BCKDHB: variants seen among roughly 807,000 people sequenced by gnomAD.
BCKDHB encodes the protein branched chain keto acid dehydrogenase E1 subunit beta, also known as 2-oxoisovalerate dehydrogenase subunit beta, mitochondrial.
In BCKDHB, 41 loss-of-function variants were observed where a neutral mutation model predicts 48.5. The observed-to-expected ratio is 0.85, with a 90% CI of 0.66 to 1.10. The LOEUF (loss-of-function observed/expected upper bound fraction) is 1.10. Ranked by LOEUF, BCKDHB falls within the 50% of genes least tolerant of loss-of-function variation. The probability of loss-of-function intolerance (pLI) is 0.00; values close to 1 mark genes in which losing one functional copy is unlikely to be tolerated. For synonymous variants in BCKDHB, 201 were observed against 174.8 expected (o/e 1.15, Z -1.18); for missense variants, 496 against 494.2 (o/e 1.00, Z -0.03).
At chr6:80,336,562 AT>A (rs58750626) in intron 9 of BCKDHB, among the ~76,000 whole-genome samples, 5 of 151,022 alleles carry the variant, frequency 3.3e-5, no homozygotes, top group African/African-American at 2.4e-5. Flanking sequence ...GAAGAGATGG[AT>A]TTTTTTTTAA....
intron 3 of BCKDHB, among the ~76,000 whole-genome samples, chr6:80,163,376 A>G (rs1772418114): frequency 6.6e-6 from 1 of 151,062 alleles, no homozygotes; most frequent in South Asian, 2.1e-4. Context: ...CACCAATGAT[A>G]AAATCCTCAG....
chr6:80,209,416 G>A (rs12209624), intron 8 of BCKDHB, among the ~76,000 whole-genome samples: 93,670 of 151,646 alleles, frequency 0.62, 29,193 homozygotes, highest in South Asian at 0.76. Context: ...CAAAACTGGA[G>A]GACTTAATTA....
chr6:80,330,985 C>T (rs769531960), intron 9 of BCKDHB, among the ~76,000 whole-genome samples: 2 of 152,128 alleles, frequency 1.3e-5, no homozygotes, highest in Non-Finnish European at 2.9e-5. Flanking sequence ...CTAGTAATTA[C>T]CAGCAAAGAT....
chr6:80,400,017 T>C, the BCKDHB span, among the ~76,000 whole-genome samples: 1 of 152,096 alleles, frequency 6.6e-6, no homozygotes, highest in African/African-American at 2.4e-5. Flanking sequence ...CTGGGATAAT[T>C]GGCTAGCCAC....
intron 9 of BCKDHB, among the ~76,000 whole-genome samples, chr6:80,338,388 C>A (rs1269772118): frequency 1.3e-5 from 2 of 152,126 alleles, no homozygotes; most frequent in African/African-American, 2.4e-5. Context: ...GGATTTCCAG[C>A]CCCCGACCCC....
rs1396934591 is a variant in BCKDHB, at chr6:80,107,549, A to ATATG, written c.196+663_196+664insGTAT. 2.3e-3 allele frequency among the ~76,000 whole-genome samples: 315 copies of ATATG among 134,226 alleles called. 2 individuals are homozygous for ATATG. The highest frequency in any genetic ancestry group is 8.9e-3 in the African/African-American group (297 of 33,504). 88.1% of individuals were successfully genotyped at this position (134,226 alleles called of 152,430 possible). ...TATATGCATATATATATATGCACAC[A>ATATG]TATATATGCATATATATATGCATAT... is the stretch of plus-strand genomic sequence containing the variant. On this transcript the variant is annotated intron_variant, in intron 1 of 9. Coordinates refer to ENST00000320393, the MANE Select transcript of BCKDHB (RefSeq NM_183050.4).
intron 6 of BCKDHB, among the ~76,000 whole-genome samples, chr6:80,182,283 ATTTG>A (rs1211569042): frequency 6.6e-6 from 1 of 152,154 alleles, no homozygotes; most frequent in Non-Finnish European, 1.5e-5. Context: ...TTGCCTTTGA[ATTTG>A]TTTGTATATC....
chr6:80,374,528 T>A, the BCKDHB span: 1 of 726,292 alleles, frequency 1.4e-6, no homozygotes, highest in Admixed American at 1.8e-5. Context: ...TTGATTTGCA[T>A]GATTTTGTGG....
the BCKDHB span, among the ~76,000 whole-genome samples, chr6:80,429,046 G>T: frequency 3.9e-4 from 59 of 152,238 alleles, no homozygotes; most frequent in African/African-American, 1.3e-3. Flanking sequence ...GATAATTTTT[G>T]TATAAGGTGT....
chr6:80,459,532 G>C, the BCKDHB span, among the ~76,000 whole-genome samples: 1 of 152,178 alleles, frequency 6.6e-6, no homozygotes, highest in Admixed American at 6.5e-5. Context: ...AGGCAAGCAA[G>C]ATGAATCTAG....
intron 8 of BCKDHB, among the ~76,000 whole-genome samples, chr6:80,243,141 AG>A (rs1776458956): frequency 6.6e-6 from 1 of 152,222 alleles, no homozygotes; most frequent in Admixed American, 6.5e-5. Flanking sequence ...AACAAGGTAC[AG>A]AGAGACAAAG....
At chr6:80,426,703 T>A in the BCKDHB span, among the ~76,000 whole-genome samples, 1 of 152,156 alleles carries the variant, frequency 6.6e-6, no homozygotes, top group Non-Finnish European at 1.5e-5. Flanking sequence ...ACAAATTTAA[T>A]CTTTAAAAAA....
the BCKDHB span, among the ~76,000 whole-genome samples, chr6:80,372,541 A>T: frequency 6.6e-6 from 1 of 152,122 alleles, no homozygotes; most frequent in Non-Finnish European, 1.5e-5. Flanking sequence ...CTCAGGGGGA[A>T]TGCTTTCAAC....
intron 6 of BCKDHB, among the ~76,000 whole-genome samples, chr6:80,179,115 T>A (rs977547850): frequency 6.6e-6 from 1 of 152,154 alleles, no homozygotes; most frequent in African/African-American, 2.4e-5. Context: ...CTCAAGCTCC[T>A]GGGCTCAGGT....
At chr6:80,239,355 T>C (rs1416700983) in intron 8 of BCKDHB, among the ~76,000 whole-genome samples, 1 of 128,218 alleles carries the variant, frequency 7.8e-6, no homozygotes, top group Non-Finnish European at 1.8e-5. Context: ...TGGCCAGTGA[T>C]GATGAGCATT....
intron 8 of BCKDHB, among the ~76,000 whole-genome samples, chr6:80,238,426 A>C (rs1306449765): frequency 6.6e-6 from 1 of 152,168 alleles, no homozygotes; most frequent in African/African-American, 2.4e-5. Flanking sequence ...AGTAAACAAC[A>C]GTCAAAAGAA....
the BCKDHB span, among the ~76,000 whole-genome samples, chr6:80,394,098 T>A: frequency 1.4e-4 from 21 of 152,332 alleles, no homozygotes; most frequent in Admixed American, 3.3e-4. Context: ...GTAAATTGAT[T>A]CTGTTCCTCC....
chr6:80,399,517 T>C, the BCKDHB span, among the ~76,000 whole-genome samples: 1 of 151,852 alleles, frequency 6.6e-6, no homozygotes, highest in African/African-American at 2.4e-5. Context: ...AAAAATAAAC[T>C]ACCTAAGAGC....
intron 9 of BCKDHB, among the ~76,000 whole-genome samples, chr6:80,303,612 G>T (rs1034277974): frequency 6.6e-6 from 1 of 152,028 alleles, no homozygotes; most frequent in East Asian, 1.9e-4. Context: ...TTATAAATCC[G>T]TGTGAAATTA....
Sources: allele counts gnomAD v4.1 joint callset (sites outside exome capture counted in the v4.1 genomes callset), GRCh38; gene constraint gnomAD v4.1.1; transcripts MANE v1.5; gene names NCBI Gene and HGNC (gene_info 2026-07-23, HGNC 2026-07-21).